Variants in MBD5 observed in about 807,000 individuals in gnomAD.
MBD5 encodes methyl-CpG-binding domain protein 5.
MBD5 carries 13 observed loss-of-function variants against 117.3 expected under a neutral mutation model. The observed-to-expected ratio is 0.11, with a 90% CI of 0.07 to 0.18. MBD5 has a LOEUF of 0.18. Ranked by LOEUF, MBD5 falls within the 10% of genes least tolerant of loss-of-function variation. The pLI, the probability that MBD5 is intolerant of heterozygous loss-of-function variation, is 1.00. For missense variants in MBD5, 1,879 were observed against 2,093.8 expected, an observed-to-expected ratio of 0.90 and a Z score of 2.00; for synonymous variants, 727 against 766.4, an observed-to-expected ratio of 0.95 and a Z score of 0.85.
At chr2:148,239,589 A>G (rs929870676) in intron 3 of MBD5, among the ~76,000 whole-genome samples, 3 of 151,936 alleles carry the variant, frequency 2.0e-5, no homozygotes, top group African/African-American at 7.3e-5. Flanking sequence ...GACATTTATG[A>G]GTAACGTTTA....
intron 3 of MBD5, among the ~76,000 whole-genome samples, chr2:148,246,876 A>C (rs988254341): frequency 6.6e-6 from 1 of 152,146 alleles, no homozygotes; most frequent in Non-Finnish European, 1.5e-5. Flanking sequence ...TATAGAAAGA[A>C]GTTATAGATC....
chr2:148,494,151 T>C (rs1445361323), intron 11 of MBD5, among the ~76,000 whole-genome samples: 3 of 152,232 alleles, frequency 2.0e-5, no homozygotes, highest in African/African-American at 7.2e-5. Flanking sequence ...ATTATGGAAT[T>C]GTGGTAATTT....
chr2:148,099,965 G>A (rs1036373791), intron 1 of MBD5, among the ~76,000 whole-genome samples: 2 of 152,174 alleles, frequency 1.3e-5, no homozygotes, highest in Non-Finnish European at 2.9e-5. Flanking sequence ...TAAAAGTCAT[G>A]CCCTCAAGGA....
chr2:148,407,569 T>C (rs1705122190), intron 4 of MBD5, among the ~76,000 whole-genome samples: 2 of 152,192 alleles, frequency 1.3e-5, no homozygotes, highest in African/African-American at 4.8e-5. Flanking sequence ...CTTAGTACTC[T>C]TAAATTATAG....
rs549930009 is a variant in MBD5 at position 148,314,446 on chromosome 2, C to T, written c.-679-27768C>T. On this transcript the variant is annotated intron_variant, in intron 3 of 13. Transcript: ENST00000642680. ...AGGCTGGAATGCAGTGGCACCATCT[C>T]GGTTCACTGCAACCTCCACCTCCCA... Among the ~76,000 whole-genome samples, 40 of 141,906 alleles carry T rather than the reference C, an allele frequency of 2.8e-4. 1 individual carries two copies. Among genetic ancestry groups the T allele is most frequent in the South Asian group, 7.0e-4 (3 of 4,268 alleles). 93.1% of individuals were successfully genotyped at this position (141,906 alleles called of 152,430 possible).
chr2:148,442,677 T>G (rs901613223), intron 4 of MBD5, among the ~76,000 whole-genome samples: 1 of 151,302 alleles, frequency 6.6e-6, no homozygotes, highest in Non-Finnish European at 1.5e-5. Context: ...AAGGATTAAA[T>G]GAGCTTGGAT....
chr2:148,336,140 A>G (rs1264475069), intron 3 of MBD5, among the ~76,000 whole-genome samples: 2 of 152,204 alleles, frequency 1.3e-5, no homozygotes, highest in African/African-American at 4.8e-5. Flanking sequence ...ATGTCATTGA[A>G]TCCTTCTAAC....
chr2:148,296,254 A>G, intron 3 of MBD5: 1 of 187,564 alleles, frequency 5.3e-6, no homozygotes, highest in South Asian at 1.2e-4. Flanking sequence ...ATAGAATATC[A>G]GCAATTGTAT....
intron 3 of MBD5, among the ~76,000 whole-genome samples, chr2:148,328,708 G>C (rs1362685515): frequency 6.6e-6 from 1 of 151,902 alleles, no homozygotes; most frequent in Non-Finnish European, 1.5e-5. Flanking sequence ...GCTCGCACAT[G>C]GTGCGTGCAC....
At chr2:148,147,780 C>CTG (rs373127375) in intron 1 of MBD5, among the ~76,000 whole-genome samples, 2 of 151,778 alleles carry the variant, frequency 1.3e-5, no homozygotes, top group South Asian at 2.1e-4. Flanking sequence ...TGTGAAGGGC[C>CTG]TGTGTGTGTG....
At chr2:148,120,357 C>T (rs970608111) in intron 1 of MBD5, among the ~76,000 whole-genome samples, 2 of 152,122 alleles carry the variant, frequency 1.3e-5, no homozygotes, top group African/African-American at 2.4e-5. Context: ...ATAGGGATTG[C>T]GTTGAATATG....
rs150408488 is a variant in MBD5 at position 148,483,361 on chromosome 2, A to G, written c.2770A>G (p.Ile924Val). 8 of 1,614,004 alleles carry G rather than the reference A, an allele frequency of 5.0e-6. No individual in the cohort carries two copies. In the African/African-American group the frequency reaches 9.3e-5, roughly 19 times the overall value. Residue 924 changes from isoleucine (I) to valine (V), a missense_variant, in exon 9 of 14, where the codon ATC (isoleucine) becomes GTC (valine). Transcript: ENST00000642680. ...CCCCAGCCTCCTCAGTTCTCTACCT[A>G]TCTCTTTGCCAGTGAATCAACAGCA... is the stretch of plus-strand genomic sequence containing the variant. ...LNPSLLSSLP[I>V]SLPVNQQHLL...
At chr2:148,388,489 T>G (rs1040638788) in intron 4 of MBD5, among the ~76,000 whole-genome samples, 3 of 152,230 alleles carry the variant, frequency 2.0e-5, no homozygotes, top group Non-Finnish European at 4.4e-5. Context: ...TGTGTTATTT[T>G]GCTTCATAGC....
At chr2:148,096,035 T>C (rs1696061186) in intron 1 of MBD5, among the ~76,000 whole-genome samples, 1 of 152,208 alleles carries the variant, frequency 6.6e-6, no homozygotes, top group East Asian at 1.9e-4. Context: ...TTTACATTTT[T>C]CCACTTTCTT....
chr2:148,482,308 A>G (rs935166713), intron 8 of MBD5, among the ~76,000 whole-genome samples: 3 of 152,138 alleles, frequency 2.0e-5, no homozygotes, highest in African/African-American at 7.2e-5. Flanking sequence ...GGAAATAATA[A>G]AAAAACTCAT....
At chr2:148,092,461 A>G (rs1406924386) in intron 1 of MBD5, among the ~76,000 whole-genome samples, 1 of 152,208 alleles carries the variant, frequency 6.6e-6, no homozygotes, top group Non-Finnish European at 1.5e-5. Context: ...ATGTGTATGT[A>G]TATACCATGG....
intron 1 of MBD5, among the ~76,000 whole-genome samples, chr2:148,146,756 T>C (rs1697479010): frequency 6.6e-6 from 1 of 152,314 alleles, no homozygotes; most frequent in East Asian, 1.9e-4. Context: ...GTCCCACAGA[T>C]ATCTGAGGCT....
chr2:148,116,418 T>G (rs1696643886), intron 1 of MBD5, among the ~76,000 whole-genome samples: 1 of 152,174 alleles, frequency 6.6e-6, no homozygotes, highest in African/African-American at 2.4e-5. Flanking sequence ...TATTGCTTTC[T>G]GCCAACAACA....
At chr2:148,194,983 A>T (rs191898133) in intron 2 of MBD5, among the ~76,000 whole-genome samples, 1 of 152,320 alleles carries the variant, frequency 6.6e-6, no homozygotes, top group African/African-American at 2.4e-5. Context: ...AGGACACATT[A>T]TAACTATTTT....
Sources: gnomAD v4.1 joint callset for allele counts (sites outside exome capture counted in the v4.1 genomes callset) on GRCh38, gnomAD v4.1.1 for gene constraint, MANE v1.5 for transcripts, NCBI Gene and HGNC (gene_info 2026-07-23, HGNC 2026-07-21) for gene names.